The following GRIK2 variants were observed in gnomAD, a reference collection of about 807,000 sequenced individuals.
GRIK2 encodes the protein glutamate ionotropic receptor kainate type subunit 2.
GRIK2 carries 32 observed loss-of-function variants against 100.3 expected under a neutral mutation model. That is an observed-to-expected ratio of 0.32 (90% CI 0.24 to 0.43). The LOEUF is 0.43. Ranked by LOEUF, GRIK2 falls within the 20% of genes least tolerant of loss-of-function variation. The pLI, the probability that GRIK2 is intolerant of heterozygous loss-of-function variation, is 1.00. For synonymous variants in GRIK2, 417 were observed against 389.4 expected, an observed-to-expected ratio of 1.07 and a Z score of -0.83; for missense variants, 843 against 1,114.9, an observed-to-expected ratio of 0.76 and a Z score of 3.47.
At chr6:101,736,266 G>T (rs1167398528) in intron 7 of GRIK2, among the ~76,000 whole-genome samples, 2 of 152,190 alleles carry the variant, frequency 1.3e-5, no homozygotes, top group Non-Finnish European at 2.9e-5. Context: ...TCTGGGGTCT[G>T]GAGGATGGTG....
intron 7 of GRIK2, among the ~76,000 whole-genome samples, chr6:101,775,507 TTA>T (rs1379991693): frequency 6.7e-6 from 1 of 149,332 alleles, no homozygotes; most frequent in African/African-American, 2.5e-5. Context: ...ACAAAAATCT[TTA>T]TATATATATG....
chr6:101,859,548 CT>C, intron 11 of GRIK2, 55 bp downstream of exon 11: 2 of 985,140 alleles, frequency 2.0e-6, no homozygotes, highest in Admixed American at 3.5e-5. Flanking sequence ...AAGGTTTACT[CT>C]TTTGTTGATG....
At chr6:101,949,626 G>T (rs1459928214) in intron 14 of GRIK2, among the ~76,000 whole-genome samples, 1 of 151,990 alleles carries the variant, frequency 6.6e-6, no homozygotes, top group Non-Finnish European at 1.5e-5. Context: ...TTCTGTTCCT[G>T]TGTTTGCTGA....
At chr6:101,541,451 C>A (rs1775994088) in intron 2 of GRIK2, among the ~76,000 whole-genome samples, 2 of 144,736 alleles carry the variant, frequency 1.4e-5, no homozygotes, top group Non-Finnish European at 3.0e-5. Context: ...ACAAACCCAA[C>A]CAAACAAACA....
chr6:101,853,915 G>A (rs1784277282), intron 10 of GRIK2, among the ~76,000 whole-genome samples: 1 of 152,198 alleles, frequency 6.6e-6, no homozygotes, highest in Admixed American at 6.5e-5. Flanking sequence ...ACGGTTGCCA[G>A]GAGTTAGAGT....
At position 101,948,560 on chromosome 6, in the gene GRIK2, T is replaced by TAC. The variant is rs1313511711; in HGVS notation, c.2085+19932_2085+19933dup. ...ATATAGTTTTATATAGTTATATATA[T>TAC]ACACATACACACATATATATGATAC... is the stretch of plus-strand genomic sequence containing the variant. On this transcript the variant is annotated intron_variant, in intron 14 of 16. Coordinates refer to ENST00000369134, the MANE Select transcript of GRIK2 (RefSeq NM_021956.5). Among the ~76,000 whole-genome samples, 4 of 148,866 alleles carry TAC rather than the reference T, an allele frequency of 2.7e-5. No individual in the cohort carries two copies. In the Admixed American group the frequency reaches 2.7e-4, roughly 10 times the overall value.
intron 11 of GRIK2, among the ~76,000 whole-genome samples, chr6:101,876,066 T>C (rs1417429428): frequency 6.6e-6 from 1 of 151,492 alleles, no homozygotes; most frequent in Non-Finnish European, 1.5e-5. Context: ...ACATTACAAA[T>C]AAAAACTTAA....
chr6:101,991,298 G>A (rs1403236863), intron 14 of GRIK2, among the ~76,000 whole-genome samples: 1 of 151,006 alleles, frequency 6.6e-6, no homozygotes, highest in Non-Finnish European at 1.5e-5. Flanking sequence ...GGAAATTTAA[G>A]CTTGAAGAAG....
chr6:101,964,984 G>T (rs1284392600), intron 14 of GRIK2, among the ~76,000 whole-genome samples: 2 of 152,082 alleles, frequency 1.3e-5, no homozygotes, highest in African/African-American at 4.8e-5. Flanking sequence ...TTTAAAGGAA[G>T]TAGCCGGAAA....
chr6:101,550,677 ATAT>A (rs1253769022), intron 2 of GRIK2, among the ~76,000 whole-genome samples: 4 of 152,228 alleles, frequency 2.6e-5, no homozygotes, highest in African/African-American at 9.6e-5. Context: ...GGGGAATTAA[ATAT>A]TATTTGGCCC....
chr6:101,699,339 G>C (rs999307818), intron 7 of GRIK2, among the ~76,000 whole-genome samples: 1 of 152,030 alleles, frequency 6.6e-6, no homozygotes, highest in Non-Finnish European at 1.5e-5. Flanking sequence ...CTCTCAAATT[G>C]ACCTGGACTC....
At chr6:102,064,185 G>GAAGATTCC in intron 16 of GRIK2, 1 of 495,692 alleles carries the variant, frequency 2.0e-6, no homozygotes. Flanking sequence ...CCCCTAAATA[G>GAAGATTCC]TGATTTTAAA....
chr6:101,640,746 C>T (rs1781242741), intron 4 of GRIK2, among the ~76,000 whole-genome samples: 2 of 152,058 alleles, frequency 1.3e-5, no homozygotes, highest in African/African-American at 4.8e-5. Context: ...CTAATAATTT[C>T]TTTTTCTAAT....
intron 2 of GRIK2, among the ~76,000 whole-genome samples, chr6:101,400,064 G>T (rs1439141575): frequency 6.6e-6 from 1 of 152,136 alleles, no homozygotes; most frequent in East Asian, 1.9e-4. Context: ...CATTTTGTTT[G>T]TTTTTAACTT....
At chr6:101,957,913 C>T (rs1196380251) in intron 14 of GRIK2, among the ~76,000 whole-genome samples, 1 of 151,974 alleles carries the variant, frequency 6.6e-6, no homozygotes, top group Non-Finnish European at 1.5e-5. Context: ...CAGCACCATG[C>T]TGTTTTAGTT....
chr6:101,770,020 A>G (rs2128396514), intron 7 of GRIK2, among the ~76,000 whole-genome samples: 1 of 152,132 alleles, frequency 6.6e-6, no homozygotes, highest in East Asian at 1.9e-4. Context: ...AAGATTGTGG[A>G]TTTTGTATTT....
At chr6:101,889,231 T>C (rs974932719) in intron 11 of GRIK2, among the ~76,000 whole-genome samples, 1 of 152,090 alleles carries the variant, frequency 6.6e-6, no homozygotes, top group African/African-American at 2.4e-5. Context: ...TAGTTATTAT[T>C]ACTATTATAA....
At chr6:101,973,977 G>A (rs1793215573) in intron 14 of GRIK2, among the ~76,000 whole-genome samples, 1 of 151,732 alleles carries the variant, frequency 6.6e-6, no homozygotes, top group African/African-American at 2.4e-5. Context: ...ATATACATTT[G>A]GATATACTAA....
intron 10 of GRIK2, among the ~76,000 whole-genome samples, chr6:101,821,884 A>G (rs2128423716): frequency 6.6e-6 from 1 of 152,232 alleles, no homozygotes; most frequent in East Asian, 1.9e-4. Flanking sequence ...ATTATGAATA[A>G]TGACATTTCT....
Sources: allele counts gnomAD v4.1 joint callset (sites outside exome capture counted in the v4.1 genomes callset), GRCh38; gene constraint gnomAD v4.1.1; transcripts MANE v1.5; gene names NCBI Gene and HGNC (gene_info 2026-07-23, HGNC 2026-07-21).